The following AFF2 variants were observed in gnomAD, a reference collection of about 807,000 sequenced individuals.
AFF2 encodes ALF transcription elongation factor 2.
AFF2 carries 14 observed loss-of-function variants against 76.9 expected under a neutral mutation model. That is an observed-to-expected ratio of 0.18 (90% CI 0.12 to 0.28). The LOEUF is 0.28. Among genes scored for constraint, AFF2 ranks in the 10% least tolerant of loss-of-function variants. The probability of loss-of-function intolerance (pLI) is 1.00; values close to 1 mark genes in which losing one functional copy is unlikely to be tolerated. For synonymous variants in AFF2, 398 were observed against 366.7 expected, an observed-to-expected ratio of 1.09 and a Z score of -0.98; for missense variants, 868 against 1,001.1, an observed-to-expected ratio of 0.87 and a Z score of 1.79.
intron 9 of AFF2, among the ~76,000 whole-genome samples, chrX:148,930,282 A>G (rs2071697300): frequency 8.9e-6 from 1 of 112,234 alleles, no homozygotes; most frequent in Admixed American, 9.4e-5. Flanking sequence ...AACATTAGAA[A>G]ATATCCTATG....
chrX:148,855,115 A>G (rs2070772836), intron 7 of AFF2, among the ~76,000 whole-genome samples: 1 of 111,685 alleles, frequency 9.0e-6, no homozygotes, highest in African/African-American at 3.3e-5. Context: ...ATGTGGAGCC[A>G]TAGGAATTCT....
At chrX:148,698,008 C>T (rs935049123) in intron 3 of AFF2, among the ~76,000 whole-genome samples, 9 of 112,303 alleles carry the variant, frequency 8.0e-5, no homozygotes, top group Non-Finnish European at 1.7e-4. Context: ...CAGATCTCCT[C>T]AGAAGTGCAA....
At chrX:148,751,853 G>A (rs1021101378) in intron 3 of AFF2, among the ~76,000 whole-genome samples, 3 of 112,080 alleles carry the variant, frequency 2.7e-5, no homozygotes, top group Admixed American at 9.5e-5. Context: ...CTGTAACAAA[G>A]TACCGTAAAC....
At chrX:148,945,813 C>T (rs2071893554) in intron 9 of AFF2, among the ~76,000 whole-genome samples, 2 of 112,275 alleles carry the variant, frequency 1.8e-5, no homozygotes, top group African/African-American at 6.5e-5. Flanking sequence ...GATGAAGTAT[C>T]CAAGGTGACA....
intron 7 of AFF2, among the ~76,000 whole-genome samples, chrX:148,848,278 CT>C (rs1219730339): frequency 8.9e-6 from 1 of 111,758 alleles, no homozygotes; most frequent in Non-Finnish European, 1.9e-5. Context: ...CTAAAGTTTT[CT>C]GTAAGTGCTA....
chrX:148,559,493 C>G (rs1394118477), intron 1 of AFF2, among the ~76,000 whole-genome samples: 1 of 111,192 alleles, frequency 9.0e-6, no homozygotes, highest in Non-Finnish European at 1.9e-5. Context: ...TCTCATTGTT[C>G]AACACCCACT....
chrX:148,754,015 C>T (rs781940840), intron 3 of AFF2, among the ~76,000 whole-genome samples: 5 of 111,195 alleles, frequency 4.5e-5, no homozygotes, highest in East Asian at 2.8e-4. Flanking sequence ...GGGAGCAAGG[C>T]GGTAAGTGGG....
intron 1 of AFF2, among the ~76,000 whole-genome samples, chrX:148,605,623 C>T (rs1603255949): frequency 8.9e-6 from 1 of 111,796 alleles, no homozygotes; most frequent in South Asian, 3.7e-4. Flanking sequence ...CCTATAATAT[C>T]TTGTGATGCT....
chrX:148,546,029 G>A (rs2052917425), intron 1 of AFF2, among the ~76,000 whole-genome samples: 1 of 112,128 alleles, frequency 8.9e-6, no homozygotes, highest in Non-Finnish European at 1.9e-5. Flanking sequence ...TGTAGTGACT[G>A]ACACAAAGGT....
rs782032834 is a variant in AFF2, at chrX:148,582,837, TC to T, written c.48-69159del. 4.5e-5 allele frequency among the ~76,000 whole-genome samples: 5 copies of T among 111,934 alleles called. No individual in the cohort carries two copies. The East Asian group carries it at 1.4e-3, about 31-fold the overall frequency. ...TCACAATAACCAAAAGGTAAAAACA[TC>T]CCAAATGTCTATCAACTGGTGAGTT... On this transcript the variant is annotated intron_variant, in intron 1 of 20. Coordinates refer to ENST00000370460, the MANE Select transcript of AFF2 (RefSeq NM_002025.4).
chrX:148,696,423 A>G (rs2054723211), intron 3 of AFF2, among the ~76,000 whole-genome samples: 1 of 110,827 alleles, frequency 9.0e-6, no homozygotes, highest in Non-Finnish European at 1.9e-5. Flanking sequence ...TGTTGTGCAC[A>G]TGTACCCTAA....
chrX:148,501,138 A>G lies in AFF2; in HGVS notation c.41A>G (p.Gln14Arg). ...TTTTTCAGAGACTGGGACTTGGAGCAGCAGTGGTAGGTGTTGATTTTTGCC... is the reference window on the plus strand; with the variant it reads ...TTTTTCAGAGACTGGGACTTGGAGCGGCAGTGGTAGGTGTTGATTTTTGCC... ...FDFFRDWDLEQQCHYEQDRSA... is the reference protein window; with the variant it reads ...FDFFRDWDLERQCHYEQDRSA... The change falls in exon 1 of 21, where the codon CAG (glutamine) becomes CGG (arginine). Residue 14 changes from glutamine to arginine, a missense_variant. Physicochemically the swap from Gln to Arg is conservative, Grantham distance 43. Transcript: ENST00000370460. 2.5e-6 allele frequency: 3 copies of G among 1,210,916 alleles called. No homozygotes were observed. Among genetic ancestry groups the G allele is most frequent in the Non-Finnish European group, 2.2e-6 (2 of 894,900 alleles).
At chrX:148,655,063 A>G (rs1022602644) in intron 2 of AFF2, among the ~76,000 whole-genome samples, 1 of 111,001 alleles carries the variant, frequency 9.0e-6, no homozygotes, top group African/African-American at 3.3e-5. Flanking sequence ...GGCCTGTTAT[A>G]TAGATCCATT....
intron 1 of AFF2, among the ~76,000 whole-genome samples, chrX:148,646,889 A>G (rs782386882): frequency 8.9e-6 from 1 of 112,292 alleles, no homozygotes; most frequent in Non-Finnish European, 1.9e-5. Context: ...GTGTAAAATA[A>G]TGATGGCCTG....
chrX:148,940,658 T>C (rs993051504), intron 9 of AFF2, among the ~76,000 whole-genome samples: 4 of 111,578 alleles, frequency 3.6e-5, no homozygotes, highest in African/African-American at 1.3e-4. Context: ...TGTGTTCATT[T>C]GTAACTCAGG....
rs1557290525 is a variant in AFF2 at position 148,978,358 on chromosome X, A to G, written c.3477-4A>G. 8.4e-6 allele frequency: 10 copies of G among 1,191,121 alleles called. No homozygotes were observed. Among genetic ancestry groups the G allele is most frequent in the Non-Finnish European group, 1.1e-5 (10 of 876,909 alleles). The stretch of plus-strand genomic sequence containing the variant: ...TTAACAGAAGCCTTTCCTCATCACC[A>G]CAGCTACCGATGTTTATCACTCCTC... On this transcript the variant is annotated splice_polypyrimidine_tract_variant and splice_region_variant and intron_variant, in intron 17 of 20. Coordinates refer to ENST00000370460, the MANE Select transcript of AFF2 (RefSeq NM_002025.4).
At chrX:148,932,207 C>T (rs1183546933) in intron 9 of AFF2, among the ~76,000 whole-genome samples, 4 of 111,961 alleles carry the variant, frequency 3.6e-5, no homozygotes, top group African/African-American at 1.3e-4. Flanking sequence ...CTGAAGGTAC[C>T]GCTTAGGTTG....
chrX:148,980,322 T>C (rs186919302), intron 18 of AFF2, among the ~76,000 whole-genome samples: 34 of 112,015 alleles, frequency 3.0e-4, no homozygotes, highest in Admixed American at 9.5e-4. Context: ...GACACATTCT[T>C]GGATTATTAG....
At chrX:148,584,948 A>G (rs1382247892) in intron 1 of AFF2, among the ~76,000 whole-genome samples, 1 of 111,651 alleles carries the variant, frequency 9.0e-6, no homozygotes, top group Non-Finnish European at 1.9e-5. Context: ...ATCTAATTGG[A>G]GAAACCAACC....
Sources: gnomAD v4.1 joint callset for allele counts (sites outside exome capture counted in the v4.1 genomes callset) on GRCh38, gnomAD v4.1.1 for gene constraint, MANE v1.5 for transcripts, NCBI Gene and HGNC (gene_info 2026-07-23, HGNC 2026-07-21) for gene names.